Variants in SOCS7 observed in about 807,000 individuals in gnomAD.
SOCS7 encodes NAP-4.
A neutral mutation model predicts 58.9 loss-of-function variants in SOCS7; 18 were observed. That is an observed-to-expected ratio of 0.31 (90% CI 0.21 to 0.45). The LOEUF is 0.45. Ranked by LOEUF, SOCS7 falls within the 20% of genes least tolerant of loss-of-function variation. The probability of loss-of-function intolerance (pLI) is 1.00; values close to 1 mark genes in which losing one functional copy is unlikely to be tolerated. For missense variants in SOCS7, 667 were observed against 837.3 expected, an observed-to-expected ratio of 0.80 and a Z score of 2.51; for synonymous variants, 388 against 364.3, an observed-to-expected ratio of 1.06 and a Z score of -0.74.
chr17:38,379,223 A>G (rs1272924035), intron 7 of SOCS7, among the ~76,000 whole-genome samples: 3 of 151,622 alleles, frequency 2.0e-5, no homozygotes, highest in African/African-American at 7.3e-5. Flanking sequence ...TCACACCTGT[A>G]ATTCCAGCAC....
At position 38,352,901 on chromosome 17, in the gene SOCS7, C is replaced by T; in HGVS notation, c.849C>T (p.Arg283=). ...SFKIRLSRLF[R]TKSCNGGSGG... is the part of the protein sequence containing the mutation. ...AAATCCGCCTCAGTCGCCTCTTTCGCACCAAGAGCTGCAACGGTGGCTCCG... is the reference window on the plus strand; with the variant it reads ...AAATCCGCCTCAGTCGCCTCTTTCGTACCAAGAGCTGCAACGGTGGCTCCG... The change falls in exon 1 of 10, where the codon CGC becomes CGT. Residue 283 remains arginine (R), a synonymous_variant. Transcript: ENST00000612932. The surrounding 1 kb of genome is among the most constrained non-coding windows in gnomAD (Gnocchi z 5.5). 1 of 1,604,570 alleles carries T rather than the reference C, an allele frequency of 6.2e-7. No individual in the cohort carries two copies. The highest frequency in any genetic ancestry group is 1.7e-5 in the Admixed American group (1 of 58,788).
intron 7 of SOCS7, among the ~76,000 whole-genome samples, chr17:38,392,850 T>A (rs1373441190): frequency 6.6e-6 from 1 of 152,196 alleles, no homozygotes; most frequent in African/African-American, 2.4e-5. Context: ...TACCGATAAT[T>A]CTTCCTTAGG....
intron 1 of SOCS7, among the ~76,000 whole-genome samples, chr17:38,358,252 C>T (rs587771530): frequency 6.6e-6 from 1 of 152,196 alleles, no homozygotes; most frequent in African/African-American, 2.4e-5. Flanking sequence ...TTGAGGTGAT[C>T]TGGGGAAGAA....
rs78087662 is a variant in SOCS7 at position 38,365,963 on chromosome 17, T to C, written c.1253-324T>C. On this transcript the variant is annotated intron_variant, in intron 4 of 9. Coordinates refer to ENST00000612932, the MANE Select transcript of SOCS7 (RefSeq NM_014598.4). ...ATTTCCAAGGCTGCCTTATCGGCAC[T>C]TCACTTCGAGGTGGGAGAAGTTGGA... 173 of 1,085,638 alleles carry C rather than the reference T, an allele frequency of 1.6e-4. No individual in the cohort carries two copies. The East Asian group carries it at 7.4e-3, about 46-fold the overall frequency. The allele number at this position is 1,085,638 out of a possible 1,614,324, so 67.3% of individuals were successfully genotyped here.
Position 38,361,716 on chromosome 17 carries a change from C to A in SOCS7, c.986C>A (p.Pro329His), listed in dbSNP as rs1555567599. ...TCTGCTTTCTCACTCCCTAGGAAAC[C>A]CAAGTTGACAAGAACTCAAAGTGCC... ...AGRELDAGRK[P>H]KLTRTQSAFS... The change falls in exon 2 of 10, where the codon CCC becomes CAC. Residue 329 changes from proline (P) to histidine (H), a missense_variant. Pro to His is a moderately conservative substitution (Grantham distance 77, BLOSUM62 -2). Coordinates refer to ENST00000612932, the MANE Select transcript of SOCS7 (RefSeq NM_014598.4). The A allele has an allele frequency of 6.2e-7, 1 of 1,613,482 alleles. No homozygotes were observed. Among genetic ancestry groups the A allele is most frequent in the Non-Finnish European group, 8.5e-7 (1 of 1,179,574 alleles).
chr17:38,357,262 A>C (rs2037652657), intron 1 of SOCS7, among the ~76,000 whole-genome samples: 2 of 152,236 alleles, frequency 1.3e-5, no homozygotes, highest in South Asian at 4.1e-4. Context: ...ATAGCATGAC[A>C]TGCTGAGAGC....
Position 38,389,906 on chromosome 17 carries a change from T to TATATAGAGAG in SOCS7, c.1682-5402_1682-5401insTATAGAGAGA, listed in dbSNP as rs1555571102. Among the ~76,000 whole-genome samples the TATATAGAGAG allele has an allele frequency of 4.6e-4, 48 of 103,474 alleles. 2 individuals are homozygous for TATATAGAGAG. The highest frequency in any genetic ancestry group is 2.2e-3 in the African/African-American group (47 of 21,316). 67.9% of individuals were successfully genotyped at this position (103,474 alleles called of 152,430 possible). The stretch of plus-strand genomic sequence containing the variant: ...ATGTACATATATATATATACACATA[T>TATATAGAGAG]AGAGAGAGAGAGAGAGAGAGAGTGA... On this transcript the variant is annotated intron_variant, in intron 7 of 9. Transcript: ENST00000612932.
At chr17:38,353,085 C>CT in intron 1 of SOCS7, 53 bp downstream of exon 1, 1 of 1,454,702 alleles carries the variant, frequency 6.9e-7, no homozygotes, top group Non-Finnish European at 9.1e-7. Context: ...TTTGGTTTCC[C>CT]TTTTTATCTA....
chr17:38,363,708 A>G (rs2037749669), intron 2 of SOCS7, among the ~76,000 whole-genome samples: 1 of 152,122 alleles, frequency 6.6e-6, no homozygotes, highest in Non-Finnish European at 1.5e-5. Context: ...AAAACTGTGT[A>G]TTTAGGTTCT....
chr17:38,368,873 T>C (rs1194638441), intron 6 of SOCS7, among the ~76,000 whole-genome samples: 1 of 152,202 alleles, frequency 6.6e-6, no homozygotes, highest in Non-Finnish European at 1.5e-5. Flanking sequence ...TCTTAGGAAA[T>C]ATTCATTAAA....
intron 2 of SOCS7, among the ~76,000 whole-genome samples, chr17:38,362,409 G>C (rs2037732162): frequency 6.6e-6 from 1 of 152,194 alleles, no homozygotes; most frequent in Non-Finnish European, 1.5e-5. Flanking sequence ...CAGAGAGGGA[G>C]ACCTTCTGTT....
Position 38,400,027 on chromosome 17 carries a change from G to A in SOCS7, c.*545G>A, listed in dbSNP as rs1161077544. 6.6e-6 allele frequency: 1 copy of A among 152,212 alleles called. No homozygotes were observed. The allele number at this position is 152,212 out of a possible 1,614,324, so 9.4% of individuals were successfully genotyped here. A position where few individuals can be genotyped will look rare whatever the true frequency, so the allele number is the denominator to read the frequency against. ...AGGAAGGGGGAATCTGCCTCTTGTT[G>A]CCATGGGCAGCTGTTGTAGGAGCAG... On this transcript the variant is annotated 3_prime_UTR_variant, in exon 10 of 10. Coordinates refer to ENST00000612932, the MANE Select transcript of SOCS7 (RefSeq NM_014598.4).
chr17:38,366,048 C>A, intron 4 of SOCS7: 1 of 1,311,560 alleles, frequency 7.6e-7, no homozygotes, highest in Non-Finnish European at 9.8e-7. Context: ...GTGAGCAGCT[C>A]CCCTCCCCCT....
In SOCS7 at chr17:38,378,834, G is replaced by A. The variant is rs540459610; in HGVS notation, c.1681+992G>A. Among the ~76,000 whole-genome samples, 7 of 152,096 alleles carry A rather than the reference G, an allele frequency of 4.6e-5. No individual in the cohort carries two copies. The South Asian group carries it at 1.5e-3, about 32-fold the overall frequency. On this transcript the variant is annotated intron_variant, in intron 7 of 9. Coordinates refer to ENST00000612932, the MANE Select transcript of SOCS7 (RefSeq NM_014598.4). ...AGTGTTGGGTAAGACAAAATGACAC[G>A]GACATTAATATGAGGAACTTGTAAG...
intron 1 of SOCS7, among the ~76,000 whole-genome samples, chr17:38,360,475 G>A (rs2037702209): frequency 6.6e-6 from 1 of 151,788 alleles, no homozygotes; most frequent in Non-Finnish European, 1.5e-5. Flanking sequence ...ACAGGAGTGA[G>A]CCACTGTGCC....
rs183240157 is a variant in SOCS7 at position 38,362,730 on chromosome 17, T to C, written c.1045+955T>C. ...CTACTGTAGTGGAGAAGGAGGTCTCTGTTCTTACCCAAGCCCAGAATTAAA... is the reference window on the plus strand; with the variant it reads ...CTACTGTAGTGGAGAAGGAGGTCTCCGTTCTTACCCAAGCCCAGAATTAAA... On this transcript the variant is annotated intron_variant, in intron 2 of 9. Coordinates refer to ENST00000612932, the MANE Select transcript of SOCS7 (RefSeq NM_014598.4). Among the ~76,000 whole-genome samples, 9 of 152,368 alleles carry C rather than the reference T, an allele frequency of 5.9e-5. No homozygotes were observed. In the East Asian group the frequency reaches 1.2e-3, roughly 20 times the overall value.
Position 38,388,020 on chromosome 17 carries a change from CA to C in SOCS7, c.1682-7288del, listed in dbSNP as rs2038103266. Among the ~76,000 whole-genome samples the C allele has an allele frequency of 9.9e-5, 15 of 152,112 alleles. No individual in the cohort carries two copies. In the South Asian group the frequency reaches 3.1e-3, roughly 32 times the overall value. ...CTCCTGACCTCAGGTGATCCAACTG[CA>C]TTGGCCTCCCAAAGTGCTAGGATTA... On this transcript the variant is annotated intron_variant, in intron 7 of 9. Transcript: ENST00000612932.
At chr17:38,390,996 C>T (rs1468254663) in intron 7 of SOCS7, among the ~76,000 whole-genome samples, 1 of 151,680 alleles carries the variant, frequency 6.6e-6, no homozygotes, top group African/African-American at 2.4e-5. Context: ...TGTGCCTGGC[C>T]CATATTTTTT....
rs111451958 is a variant in SOCS7 at position 38,395,829 on chromosome 17, C to T, written c.1818-19C>T. Reference sequence around the variant, plus strand: ...TGTATAAAAACCTTTTGTGTATATCCGTCATTTGTTTTTCACAGACCTCTG... The same window carrying T: ...TGTATAAAAACCTTTTGTGTATATCTGTCATTTGTTTTTCACAGACCTCTG... On this transcript the variant is annotated intron_variant, in intron 8 of 9. Transcript: ENST00000612932. The T allele has an allele frequency of 1.2e-4, 190 of 1,605,076 alleles. No homozygotes were observed. In the African/African-American group the frequency reaches 2.4e-3, roughly 20 times the overall value.
Sources: gnomAD v4.1 joint callset for allele counts (sites outside exome capture counted in the v4.1 genomes callset) on GRCh38, gnomAD v4.1.1 for gene constraint, Gnocchi (gnomAD v3.1) non-coding constraint, MANE v1.5 for transcripts, NCBI Gene and HGNC (gene_info 2026-07-23, HGNC 2026-07-21) for gene names.